Variants in LINC00305 observed in about 807,000 individuals in gnomAD.
The protein encoded by LINC00305 is long intergenic non-protein coding RNA 305.
intron 1 of LINC00305, among the ~76,000 whole-genome samples, chr18:64,130,951 G>A (rs757488831): frequency 1.3e-5 from 2 of 152,122 alleles, no homozygotes; most frequent in Non-Finnish European, 2.9e-5. Context: ...TTAGTCTGTA[G>A]GTAAAGGACA....
intron 1 of LINC00305, among the ~76,000 whole-genome samples, chr18:64,133,821 A>G (rs745436797): frequency 6.6e-6 from 1 of 152,304 alleles, no homozygotes; most frequent in East Asian, 1.9e-4. Flanking sequence ...TTCATGGTTT[A>G]TAACTTAATC....
At chr18:64,113,486 C>T (rs1450163890) in intron 1 of LINC00305, among the ~76,000 whole-genome samples, 1 of 152,218 alleles carries the variant, frequency 6.6e-6, no homozygotes, top group African/African-American at 2.4e-5. Context: ...GCCCCCTGCA[C>T]CTTTCCCCAG....
chr18:64,105,212 G>C (rs1034326240), intron 1 of LINC00305, among the ~76,000 whole-genome samples: 1 of 152,148 alleles, frequency 6.6e-6, no homozygotes, highest in Non-Finnish European at 1.5e-5. Context: ...TGTAATCCCA[G>C]CACTTAGGGA....
intron 1 of LINC00305, among the ~76,000 whole-genome samples, chr18:64,126,337 T>C (rs2051385050): frequency 6.6e-6 from 1 of 152,110 alleles, no homozygotes; most frequent in Non-Finnish European, 1.5e-5. Flanking sequence ...TTTTCTGCAA[T>C]GAACATACTT....
chr18:64,140,889 G>C (rs1401577623), intron 1 of LINC00305, among the ~76,000 whole-genome samples: 1 of 151,958 alleles, frequency 6.6e-6, no homozygotes, highest in Non-Finnish European at 1.5e-5. Context: ...GAAAGACACG[G>C]AGAGATGCAG....
intron 1 of LINC00305, among the ~76,000 whole-genome samples, chr18:64,110,220 T>G (rs1406896396): frequency 6.6e-6 from 1 of 152,172 alleles, no homozygotes; most frequent in East Asian, 1.9e-4. Flanking sequence ...GAAATAAAAT[T>G]TTATTGTGTA....
intron 1 of LINC00305, among the ~76,000 whole-genome samples, chr18:64,112,395 A>G (rs1387916298): frequency 1.3e-5 from 2 of 152,040 alleles, no homozygotes. Context: ...GGGAACATCT[A>G]TCATAGGATG....
At chr18:64,106,903 C>T (rs1474276347) in intron 1 of LINC00305, among the ~76,000 whole-genome samples, 1 of 152,114 alleles carries the variant, frequency 6.6e-6, no homozygotes, top group Non-Finnish European at 1.5e-5. Context: ...AATGAAGGCT[C>T]CTGGTTACCT....
At chr18:64,142,573 C>A (rs1354715814) in intron 1 of LINC00305, among the ~76,000 whole-genome samples, 1 of 152,142 alleles carries the variant, frequency 6.6e-6, no homozygotes, top group East Asian at 1.9e-4. Flanking sequence ...GTTGCAGGGA[C>A]CCCCAGGCAC....
intron 1 of LINC00305, among the ~76,000 whole-genome samples, chr18:64,127,084 C>G (rs2051388751): frequency 6.6e-6 from 1 of 152,052 alleles, no homozygotes; most frequent in African/African-American, 2.4e-5. Context: ...CCTCCCCGCC[C>G]CCTGCCAAGT....
intron 1 of LINC00305, among the ~76,000 whole-genome samples, chr18:64,133,004 C>G (rs542845947): frequency 6.6e-6 from 1 of 152,288 alleles, no homozygotes; most frequent in South Asian, 2.1e-4. Flanking sequence ...TCCAGGGGAA[C>G]AGCTGGGACT....
intron 1 of LINC00305, among the ~76,000 whole-genome samples, chr18:64,148,294 C>T (rs1352031274): frequency 2.6e-5 from 4 of 152,100 alleles, no homozygotes; most frequent in African/African-American, 9.7e-5. Context: ...GAAGAAATTT[C>T]TTCCTCTGGG....
intron 1 of LINC00305, among the ~76,000 whole-genome samples, chr18:64,143,784 A>ACATATTATGCGTACACGTATGTC (rs2051482843): frequency 1.1e-5 from 1 of 92,898 alleles, no homozygotes; most frequent in African/African-American, 3.8e-5. Context: ...ACATGTATGT[A>ACATATTATGCGTACACGTATGTC]CACATATTAT....
chr18:64,148,964 C>A (rs987117950), exon 1 of LINC00305: 5 of 152,168 alleles, frequency 3.3e-5, no homozygotes, highest in African/African-American at 1.2e-4. Context: ...AGAAAGGGAC[C>A]TTGACAGACT....
intron 1 of LINC00305, among the ~76,000 whole-genome samples, chr18:64,122,940 A>AT (rs945755784): frequency 1.5e-4 from 23 of 152,088 alleles, no homozygotes; most frequent in African/African-American, 4.8e-4. Context: ...ATATTTCATT[A>AT]TTTTTTGTAG....
chr18:64,085,466 C>CT (rs112804959), intron 3 of LINC00305, among the ~76,000 whole-genome samples: 6,342 of 144,902 alleles, frequency 0.044, 205 homozygotes, highest in Non-Finnish European at 0.065. Context: ...GTATTTGTCA[C>CT]TTTTTTTTTT....
At chr18:64,088,929 G>A (rs1361978287) in intron 3 of LINC00305, among the ~76,000 whole-genome samples, 4 of 152,098 alleles carry the variant, frequency 2.6e-5, no homozygotes, top group African/African-American at 9.7e-5. Context: ...CAGAAAACGG[G>A]ACCAACCTTA....
intron 1 of LINC00305, among the ~76,000 whole-genome samples, chr18:64,121,132 G>C (rs912797187): frequency 2.0e-5 from 3 of 152,034 alleles, no homozygotes; most frequent in Non-Finnish European, 4.4e-5. Context: ...TTGAATAGCT[G>C]TGTGTGATCA....
intron 1 of LINC00305, among the ~76,000 whole-genome samples, chr18:64,123,857 G>C (rs1181387780): frequency 6.6e-6 from 1 of 151,932 alleles, no homozygotes. Flanking sequence ...TGCTGTATTT[G>C]TTACTTGAGA....
Sources: allele counts gnomAD v4.1 joint callset (sites outside exome capture counted in the v4.1 genomes callset), GRCh38; gene constraint gnomAD v4.1.1; transcripts MANE v1.5; gene names NCBI Gene and HGNC (gene_info 2026-07-23, HGNC 2026-07-21).